FSTL4: variants seen among roughly 807,000 people sequenced by gnomAD.
FSTL4 encodes follistatin-related protein 4.
A neutral mutation model predicts 78.2 loss-of-function variants in FSTL4; 28 were observed. That is an observed-to-expected ratio of 0.36 (90% CI 0.27 to 0.49). The LOEUF is 0.49. Among genes scored for constraint, FSTL4 ranks in the 20% least tolerant of loss-of-function variants. The probability of loss-of-function intolerance (pLI) is 0.98; values close to 1 mark genes in which losing one functional copy is unlikely to be tolerated. For synonymous variants in FSTL4, 422 were observed against 440.5 expected (o/e 0.96, Z 0.53); for missense variants, 922 against 1,084.9 (o/e 0.85, Z 2.11).
chr5:133,778,759 G>A, the FSTL4 span, among the ~76,000 whole-genome samples: 2 of 152,284 alleles, frequency 1.3e-5, no homozygotes, highest in Non-Finnish European at 1.5e-5. Context: ...CACTCGCAGC[G>A]CTGACTCTCT....
At chr5:133,606,891 T>C (rs1760988906) in intron 1 of FSTL4, among the ~76,000 whole-genome samples, 2 of 152,256 alleles carry the variant, frequency 1.3e-5, no homozygotes. Flanking sequence ...TCATTTCAAC[T>C]GTGATTTTGG....
the FSTL4 span, among the ~76,000 whole-genome samples, chr5:133,840,784 G>C: frequency 1.3e-5 from 2 of 152,376 alleles, no homozygotes; most frequent in East Asian, 3.9e-4. Flanking sequence ...AAGTATAAGA[G>C]GAGATAAATC....
chr5:133,734,384 C>T, the FSTL4 span, among the ~76,000 whole-genome samples: 6 of 152,132 alleles, frequency 3.9e-5, no homozygotes, highest in African/African-American at 1.4e-4. Flanking sequence ...AAAATGCCCA[C>T]ATTTTTACAT....
chr5:133,378,693 T>A (rs1161912635), intron 4 of FSTL4, among the ~76,000 whole-genome samples: 1 of 152,132 alleles, frequency 6.6e-6, no homozygotes, highest in African/African-American at 2.4e-5. Flanking sequence ...AGTTTTAGTA[T>A]GAATTTGAAG....
chr5:133,420,913 G>A (rs1270433749), intron 3 of FSTL4, among the ~76,000 whole-genome samples: 3 of 152,252 alleles, frequency 2.0e-5, no homozygotes, highest in Non-Finnish European at 2.9e-5. Context: ...GGACAGTGGA[G>A]AATGTGCCAG....
At chr5:133,409,894 T>G (rs1209924949) in intron 3 of FSTL4, among the ~76,000 whole-genome samples, 1 of 152,174 alleles carries the variant, frequency 6.6e-6, no homozygotes, top group Non-Finnish European at 1.5e-5. Context: ...GGTGTGTCTC[T>G]TTCACATGCA....
chr5:133,753,683 C>CTTTGTGTTTGTGTG, the FSTL4 span, among the ~76,000 whole-genome samples: 11 of 120,600 alleles, frequency 9.1e-5, no homozygotes, highest in African/African-American at 3.0e-4. Context: ...CACATTTGTT[C>CTTTGTGTTTGTGTG]TGTGTGTGTG....
At chr5:133,486,991 G>T (rs1276693569) in intron 3 of FSTL4, among the ~76,000 whole-genome samples, 1 of 152,166 alleles carries the variant, frequency 6.6e-6, no homozygotes. Context: ...TGGCTTCTGA[G>T]AACTGCACAC....
chr5:133,294,368 G>A (rs1369692802), intron 6 of FSTL4, among the ~76,000 whole-genome samples: 2 of 152,072 alleles, frequency 1.3e-5, no homozygotes, highest in East Asian at 1.9e-4. Context: ...TGATGCCTCC[G>A]TTCCTCTTCT....
Position 133,233,624 on chromosome 5 carries a change from T to C in FSTL4, c.895-87A>G, listed in dbSNP as rs1021789430. ...CTGTCTCCTGGTTTTCCAGAAATCC[T>C]GCAGCTGGGAGAGAGTTCCTTTCTG... On this transcript the variant is annotated intron_variant, in intron 7 of 15. Transcript: ENST00000265342. 4.0e-6 allele frequency: 6 copies of C among 1,514,310 alleles called. No individual in the cohort carries two copies. In the East Asian group the frequency reaches 1.4e-4, roughly 35 times the overall value. 93.8% of individuals were successfully genotyped at this position (1,514,310 alleles called of 1,614,324 possible).
At chr5:133,832,103 G>A in the FSTL4 span, among the ~76,000 whole-genome samples, 1 of 152,144 alleles carries the variant, frequency 6.6e-6, no homozygotes, top group Admixed American at 6.5e-5. Flanking sequence ...GACTTAACTG[G>A]GGCTTGTCTG....
At chr5:133,275,787 G>A (rs1015231608) in intron 6 of FSTL4, 1 of 152,218 alleles carries the variant, frequency 6.6e-6, no homozygotes, top group Non-Finnish European at 1.5e-5. Context: ...TGGGAATGAA[G>A]GTTTCGAAGT....
the FSTL4 span, among the ~76,000 whole-genome samples, chr5:133,812,082 A>T: frequency 1.3e-5 from 2 of 152,136 alleles, no homozygotes; most frequent in Admixed American, 1.3e-4. Flanking sequence ...CATCGTCCAT[A>T]TGCCTCTCTT....
At chr5:133,702,886 G>A in the FSTL4 span, among the ~76,000 whole-genome samples, 1 of 152,308 alleles carries the variant, frequency 6.6e-6, no homozygotes, top group East Asian at 1.9e-4. Flanking sequence ...GCACACAGCT[G>A]CAAACAGGGC....
intron 4 of FSTL4, among the ~76,000 whole-genome samples, chr5:133,354,532 C>T (rs1580643819): frequency 6.6e-6 from 1 of 152,178 alleles, no homozygotes; most frequent in African/African-American, 2.4e-5. Flanking sequence ...TAAAGTGAAT[C>T]CACACCCAGC....
chr5:133,293,704 C>T (rs1402788694), intron 6 of FSTL4, among the ~76,000 whole-genome samples: 5 of 152,270 alleles, frequency 3.3e-5, no homozygotes, highest in Non-Finnish European at 1.5e-5. Context: ...GAATCTGAGG[C>T]CCCAGGAGAC....
At chr5:133,505,072 T>C (rs1758584868) in intron 3 of FSTL4, among the ~76,000 whole-genome samples, 1 of 152,186 alleles carries the variant, frequency 6.6e-6, no homozygotes, top group Non-Finnish European at 1.5e-5. Flanking sequence ...GGTCATAGAA[T>C]AGATTGTACA....
At chr5:133,572,177 A>G (rs1760172222) in intron 2 of FSTL4, among the ~76,000 whole-genome samples, 1 of 152,228 alleles carries the variant, frequency 6.6e-6, no homozygotes, top group Non-Finnish European at 1.5e-5. Flanking sequence ...TGGGGAGAAC[A>G]TTGCCTATAA....
the FSTL4 span, among the ~76,000 whole-genome samples, chr5:133,839,311 A>C: frequency 3.0e-3 from 457 of 152,356 alleles, 5 homozygotes; most frequent in Middle Eastern, 0.014. Flanking sequence ...CCTTTGCTTT[A>C]TTCCTGCAGA....
Sources: gnomAD v4.1 joint callset for allele counts (sites outside exome capture counted in the v4.1 genomes callset) on GRCh38, gnomAD v4.1.1 for gene constraint, MANE v1.5 for transcripts, NCBI Gene and HGNC (gene_info 2026-07-23, HGNC 2026-07-21) for gene names.